ASXL3: variants seen among roughly 807,000 people sequenced by gnomAD.
The protein encoded by ASXL3 is putative Polycomb group protein ASXL3.
In ASXL3, 34 loss-of-function variants were observed where a neutral mutation model predicts 170.6. The ratio of observed to expected loss-of-function variants is 0.20; its 90% CI spans 0.15 to 0.27. The LOEUF (loss-of-function observed/expected upper bound fraction) is 0.27. Among genes scored for constraint, ASXL3 ranks in the 10% least tolerant of loss-of-function variants. The probability of loss-of-function intolerance (pLI) is 1.00; values close to 1 mark genes in which losing one functional copy is unlikely to be tolerated. For missense variants in ASXL3, 2,592 were observed against 2,695.3 expected, an observed-to-expected ratio of 0.96 and a Z score of 0.85; for synonymous variants, 1,002 against 989.1, an observed-to-expected ratio of 1.01 and a Z score of -0.24.
intron 8 of ASXL3, among the ~76,000 whole-genome samples, chr18:33,706,305 T>G (rs555323545): frequency 3.5e-4 from 53 of 151,744 alleles, no homozygotes; most frequent in Non-Finnish European, 5.9e-4. Context: ...TTTGCTTCCA[T>G]GGACATTTCA....
intron 1 of ASXL3, among the ~76,000 whole-genome samples, chr18:33,579,654 G>T (rs1478787189): frequency 6.6e-6 from 1 of 151,798 alleles, no homozygotes. Flanking sequence ...AGCTGTAAAA[G>T]GATTTTTCAA....
rs1019965479 is a variant in ASXL3, at chr18:33,578,395, C to T, written c.-237C>T. ...CGCCCCCGGCCCGCCCGCCGCGCGC[C>T]GCCGCCGCCGCCGTCGCGCGCCCCC... On this transcript the variant is annotated 5_prime_UTR_variant, in exon 1 of 12. Coordinates refer to ENST00000269197, the MANE Select transcript of ASXL3 (RefSeq NM_030632.3). The T allele has an allele frequency of 4.1e-3, 457 of 111,842 alleles. 4 individuals carry two copies. Among genetic ancestry groups the T allele is most frequent in the African/African-American group, 0.014 (426 of 29,476 alleles). 6.9% of individuals were successfully genotyped at this position (111,842 alleles called of 1,614,324 possible).
intron 2 of ASXL3, among the ~76,000 whole-genome samples, chr18:33,625,519 CA>C (rs2065589074): frequency 1.3e-5 from 2 of 152,084 alleles, no homozygotes; most frequent in African/African-American, 4.8e-5. Context: ...CTAGGTGAGT[CA>C]ATTCTTTGCA....
intron 2 of ASXL3, chr18:33,608,975 T>TC (rs2065292405): frequency 1.3e-6 from 1 of 780,150 alleles, no homozygotes; most frequent in African/African-American, 3.2e-5. Context: ...TTTGGAGACT[T>TC]TTTTTTTTTG....
intron 10 of ASXL3, among the ~76,000 whole-genome samples, chr18:33,735,852 T>C (rs2067536673): frequency 1.3e-5 from 2 of 152,318 alleles, no homozygotes; most frequent in Non-Finnish European, 1.5e-5. Context: ...CTCTCTTGGA[T>C]GCCAGGGATG....
At chr18:33,713,436 CT>C (rs2067113865) in intron 8 of ASXL3, among the ~76,000 whole-genome samples, 1 of 150,702 alleles carries the variant, frequency 6.6e-6, no homozygotes, top group Non-Finnish European at 1.5e-5. Flanking sequence ...TTTGTGTATT[CT>C]TCATGGAGAT....
At chr18:33,651,029 G>A (rs1331138427) in intron 4 of ASXL3, among the ~76,000 whole-genome samples, 1 of 152,016 alleles carries the variant, frequency 6.6e-6, no homozygotes, top group Non-Finnish European at 1.5e-5. Context: ...TGCAAGCCCA[G>A]GTGTGACACC....
At chr18:33,735,098 G>A (rs1253772233) in intron 10 of ASXL3, among the ~76,000 whole-genome samples, 5 of 152,214 alleles carry the variant, frequency 3.3e-5, no homozygotes, top group East Asian at 1.9e-4. Flanking sequence ...TACTATTGAC[G>A]GTCACTTCAG....
intron 2 of ASXL3, among the ~76,000 whole-genome samples, chr18:33,625,031 A>C (rs1286051038): frequency 2.6e-5 from 4 of 152,178 alleles, no homozygotes; most frequent in Admixed American, 2.6e-4. Context: ...GTTGGTTATT[A>C]GGATCACTGC....
Position 33,746,961 on chromosome 18 carries a change from G to C in ASXL3, c.*366G>C, listed in dbSNP as rs72949384. 5.6e-6 allele frequency: 1 copy of C among 177,606 alleles called. No individual in the cohort carries two copies. Among genetic ancestry groups the C allele is most frequent in the Non-Finnish European group, 1.2e-5 (1 of 85,408 alleles). The allele number at this position is 177,606 out of a possible 1,614,324, so 11.0% of individuals were successfully genotyped here. On this transcript the variant is annotated 3_prime_UTR_variant, in exon 12 of 12. Coordinates refer to ENST00000269197, the MANE Select transcript of ASXL3 (RefSeq NM_030632.3). The stretch of plus-strand genomic sequence containing the variant: ...AAATGCAGATGTGTAAGGAGAATGA[G>C]AGGAATGAGTTAAAGTGGTTATGCA...
At chr18:33,638,564 T>C (rs1033052375) in intron 2 of ASXL3, among the ~76,000 whole-genome samples, 23 of 152,198 alleles carry the variant, frequency 1.5e-4, no homozygotes, top group Admixed American at 1.5e-3. Context: ...AAGTGCTAAA[T>C]ATTTGCTTAA....
intron 1 of ASXL3, among the ~76,000 whole-genome samples, chr18:33,599,830 A>G (rs891776275): frequency 4.6e-5 from 7 of 152,140 alleles, no homozygotes; most frequent in African/African-American, 1.7e-4. Flanking sequence ...ATGCCTGGCA[A>G]GTTTGGAAAA....
chr18:33,616,103 G>T (rs780272019), intron 2 of ASXL3, among the ~76,000 whole-genome samples: 5 of 151,950 alleles, frequency 3.3e-5, no homozygotes, highest in Non-Finnish European at 7.4e-5. Flanking sequence ...TTAAATGTAG[G>T]GACAAAATTA....
chr18:33,709,301 C>CAA (rs71159840), intron 8 of ASXL3, among the ~76,000 whole-genome samples: 51 of 120,218 alleles, frequency 4.2e-4, no homozygotes, highest in African/African-American at 5.5e-4. Flanking sequence ...ATATGTTTAC[C>CAA]AAAAAAAAAA....
intron 4 of ASXL3, among the ~76,000 whole-genome samples, chr18:33,655,219 A>T (rs2066063806): frequency 6.6e-6 from 1 of 152,004 alleles, no homozygotes; most frequent in East Asian, 1.9e-4. Context: ...TTATTATCTG[A>T]TTCAACATTC....
chr18:33,671,816 C>T lies in ASXL3; in HGVS notation c.665C>T (p.Thr222Ile), dbSNP rs1028154863. ...KEMKHGQKSP[T>I]GKQTSQHLKR... is the part of the protein sequence containing the mutation. ...ATGAAACATGGGCAAAAATCTCCCA[C>T]TGGAAAACAAACAAGTCAGCACTTA... is the stretch of plus-strand genomic sequence containing the variant. The change falls in exon 7 of 12, where the codon ACT becomes ATT. Residue 222 changes from threonine (T) to isoleucine (I), a missense_variant. By Grantham distance (89) the Thr-to-Ile change is moderately conservative. Coordinates refer to ENST00000269197, the MANE Select transcript of ASXL3 (RefSeq NM_030632.3). 1 of 1,611,492 alleles carries T rather than the reference C, an allele frequency of 6.2e-7. No homozygotes were observed. Among genetic ancestry groups the T allele is most frequent in the Non-Finnish European group, 8.5e-7 (1 of 1,178,730 alleles).
At chr18:33,662,947 T>C (rs1981360) in intron 5 of ASXL3, among the ~76,000 whole-genome samples, 69,807 of 152,004 alleles carry the variant, frequency 0.46, 16,777 homozygotes, top group East Asian at 0.79. Context: ...GGAAAGAAAC[T>C]TAACATGGTT....
In ASXL3 at chr18:33,739,942, G is replaced by C; in HGVS notation, c.2538G>C (p.Lys846Asn). Residue 846 changes from lysine to asparagine, a missense_variant, in exon 11 of 12, where the codon AAG becomes AAC. Lys to Asn is a moderately conservative substitution (Grantham distance 94). Around this residue, in one of 4 missense-constraint regions of ASXL3, gnomAD observed 2,246 missense variants for 2,219.6 expected, o/e 1.01. Coordinates refer to ENST00000269197, the MANE Select transcript of ASXL3 (RefSeq NM_030632.3). ...GTAAATCACATGTTGACACTGAGAA[G>C]CCCTACCCTGCTTCAATTCCAGAAC... is the stretch of plus-strand genomic sequence containing the variant. ...QTCKSHVDTE[K>N]PYPASIPELA... 2 of 1,613,854 alleles carry C rather than the reference G, an allele frequency of 1.2e-6. No individual in the cohort carries two copies. Among genetic ancestry groups the C allele is most frequent in the Non-Finnish European group, 1.7e-6 (2 of 1,179,866 alleles).
chr18:33,669,757 G>A (rs1484874261), intron 5 of ASXL3, among the ~76,000 whole-genome samples: 2 of 152,154 alleles, frequency 1.3e-5, no homozygotes, highest in Admixed American at 6.5e-5. Context: ...GGAATAAAAA[G>A]GATTGAGGCA....
Sources: allele counts gnomAD v4.1 joint callset (sites outside exome capture counted in the v4.1 genomes callset), GRCh38; gene constraint gnomAD v4.1.1; regional missense constraint gnomAD v4.1.1; transcripts MANE v1.5; gene names NCBI Gene and HGNC (gene_info 2026-07-23, HGNC 2026-07-21).